Variants in ATRN observed in about 807,000 individuals in gnomAD.
ATRN encodes the protein attractin, also known as attractin-2.
ATRN carries 54 observed loss-of-function variants against 178.7 expected under a neutral mutation model. The ratio of observed to expected loss-of-function variants is 0.30; its 90% CI spans 0.24 to 0.38. The LOEUF is 0.38. Ranked by LOEUF, ATRN falls within the 10% of genes least tolerant of loss-of-function variation. The pLI is 1.00. For synonymous variants in ATRN, 636 were observed against 663.0 expected (o/e 0.96, Z 0.63); for missense variants, 1,443 against 1,815.1 (o/e 0.79, Z 3.73).
At position 3,613,147 on chromosome 20, in the gene ATRN, T is replaced by C. The variant is rs140182112; in HGVS notation, c.3801+8885T>C. ...ATCACTAACTTAAATTAAGATCCACTTATGAATGCTGCATTCAGGAGCACT... is the reference window on the plus strand; with the variant it reads ...ATCACTAACTTAAATTAAGATCCACCTATGAATGCTGCATTCAGGAGCACT... On this transcript the variant is annotated intron_variant, in intron 24 of 28. Transcript: ENST00000262919. 6.7e-3 allele frequency among the ~76,000 whole-genome samples: 1,013 copies of C among 152,316 alleles called. 9 individuals carry two copies. Among genetic ancestry groups the C allele is most frequent in the African/African-American group, 0.023 (964 of 41,556 alleles).
intron 27 of ATRN, among the ~76,000 whole-genome samples, chr20:3,640,923 C>A (rs1015066961): frequency 2.0e-5 from 3 of 152,196 alleles, no homozygotes; most frequent in Non-Finnish European, 4.4e-5. Flanking sequence ...GGAATGTTAT[C>A]CAGCCTTCCA....
chr20:3,641,552 CTG>C (rs2087067858), intron 27 of ATRN, among the ~76,000 whole-genome samples: 2 of 122,788 alleles, frequency 1.6e-5, no homozygotes, highest in African/African-American at 6.4e-5. Flanking sequence ...GATTGCACCA[CTG>C]TACTCCAGCC....
intron 1 of ATRN, among the ~76,000 whole-genome samples, chr20:3,474,411 T>TA (rs1251896106): frequency 2.0e-5 from 3 of 151,902 alleles, no homozygotes; most frequent in Non-Finnish European, 2.9e-5. Context: ...TCTGGTCTTT[T>TA]AAAAAAAACT....
At chr20:3,624,963 C>G (rs948076979) in intron 25 of ATRN, among the ~76,000 whole-genome samples, 12 of 152,128 alleles carry the variant, frequency 7.9e-5, no homozygotes, top group Admixed American at 6.5e-5. Flanking sequence ...TGGTGATTAT[C>G]CAAAGTTTTA....
intron 1 of ATRN, among the ~76,000 whole-genome samples, chr20:3,527,179 C>G (rs2085377100): frequency 6.6e-6 from 1 of 152,092 alleles, no homozygotes; most frequent in Admixed American, 6.5e-5. Context: ...GCAATCTATC[C>G]ATCTGACAAA....
At chr20:3,553,118 T>G (rs1466694338) in intron 6 of ATRN, among the ~76,000 whole-genome samples, 1 of 152,134 alleles carries the variant, frequency 6.6e-6, no homozygotes, top group African/African-American at 2.4e-5. Flanking sequence ...TAGCTCTACC[T>G]TTAGAATCTG....
At chr20:3,584,290 T>C (rs759127527) in intron 17 of ATRN, among the ~76,000 whole-genome samples, 1 of 152,142 alleles carries the variant, frequency 6.6e-6, no homozygotes, top group African/African-American at 2.4e-5. Context: ...AGTAAATAAA[T>C]GTAAGATAGA....
intron 10 of ATRN, 125 bp downstream of exon 10, chr20:3,563,488 G>A (rs2085983116): frequency 4.1e-6 from 4 of 967,412 alleles, no homozygotes; most frequent in East Asian, 2.6e-5. Flanking sequence ...GGTCCAAATG[G>A]TATTTTTTAT....
intron 1 of ATRN, among the ~76,000 whole-genome samples, chr20:3,512,039 T>TA: frequency 6.8e-6 from 1 of 148,048 alleles, no homozygotes; most frequent in Middle Eastern, 3.5e-3. Flanking sequence ...ACCTGACTTT[T>TA]TTTTTTTTTG....
Position 3,471,451 on chromosome 20 carries a change from C to T in ATRN, c.344C>T (p.Thr115Ile). The change falls in exon 1 of 29, where the codon ACC becomes ATC. Residue 115 changes from threonine (T) to isoleucine (I), a missense_variant. Thr to Ile is a moderately conservative substitution (Grantham distance 89). Transcript: ENST00000262919. ...AACGGCGGTCGCTGCAACCCTGGCA[C>T]CGGCCAGTGCGTCTGCCCCGCCGGC... The part of the protein sequence containing the change: ...CVNGGRCNPG[T>I]GQCVCPAGWV... 2 of 1,435,138 alleles carry T rather than the reference C, an allele frequency of 1.4e-6. No homozygotes were observed. The highest frequency in any genetic ancestry group is 1.4e-5 in the South Asian group (1 of 69,018). 88.9% of individuals were successfully genotyped at this position (1,435,138 alleles called of 1,614,324 possible).
intron 3 of ATRN, among the ~76,000 whole-genome samples, chr20:3,543,107 T>C (rs2085648552): frequency 2.0e-5 from 3 of 152,170 alleles, no homozygotes; most frequent in African/African-American, 7.2e-5. Context: ...GGCCTTCCTT[T>C]CACCCTTTCT....
chr20:3,531,004 C>T (rs189422109), intron 1 of ATRN, among the ~76,000 whole-genome samples: 111 of 152,220 alleles, frequency 7.3e-4, no homozygotes, highest in African/African-American at 2.6e-3. Context: ...TATTGAAATG[C>T]CTTTCAGTTT....
At chr20:3,634,620 C>T (rs778913212) in intron 26 of ATRN, among the ~76,000 whole-genome samples, 92 of 152,218 alleles carry the variant, frequency 6.0e-4, no homozygotes, top group Non-Finnish European at 9.4e-4. Context: ...TCTTACCTTC[C>T]GAAAAGGAAA....
At chr20:3,517,304 T>A (rs1024678281) in intron 1 of ATRN, among the ~76,000 whole-genome samples, 1 of 151,852 alleles carries the variant, frequency 6.6e-6, no homozygotes, top group African/African-American at 2.4e-5. Context: ...ATCTCCACTT[T>A]AAAAAAAATC....
intron 1 of ATRN, among the ~76,000 whole-genome samples, chr20:3,499,609 G>T (rs1364998832): frequency 6.7e-6 from 1 of 149,266 alleles, no homozygotes; most frequent in Non-Finnish European, 1.5e-5. Flanking sequence ...AATAAATGGT[G>T]CTGGGAAAAC....
chr20:3,518,709 C>T (rs2085240270), intron 1 of ATRN, among the ~76,000 whole-genome samples: 1 of 152,092 alleles, frequency 6.6e-6, no homozygotes, highest in Admixed American at 6.6e-5. Context: ...CATCTGTACT[C>T]CTACCCACCT....
intron 15 of ATRN, among the ~76,000 whole-genome samples, chr20:3,581,141 A>G (rs2086277757): frequency 6.6e-6 from 1 of 152,074 alleles, no homozygotes; most frequent in Non-Finnish European, 1.5e-5. Context: ...AGTTCCGGCT[A>G]CTTGGGAGGC....
chr20:3,597,816 A>T, intron 21 of ATRN, 90 bp from the exon 22 acceptor site: 1 of 776,410 alleles, frequency 1.3e-6, no homozygotes, highest in African/African-American at 1.7e-5. Context: ...CTCGTTACTT[A>T]ATTTATAAGA....
chr20:3,560,808 C>T lies in ATRN; in HGVS notation c.1350C>T (p.His450=), dbSNP rs1273315168. ...ATGCAGTGGTTGGGCACTCTGCACA[C>T]ATTGTTACACTGAAGAATGGCCGAG... ...EQYAVVGHSA[H]IVTLKNGRVV... The change falls in exon 8 of 29, where the codon CAC becomes CAT. Residue 450 remains histidine (H), a synonymous_variant. Transcript: ENST00000262919. The T allele has an allele frequency of 6.2e-7, 1 of 1,614,148 alleles. No homozygotes were observed. The highest frequency in any genetic ancestry group is 2.2e-5 in the East Asian group (1 of 44,874).
Sources: allele counts gnomAD v4.1 joint callset (sites outside exome capture counted in the v4.1 genomes callset), GRCh38; gene constraint gnomAD v4.1.1; transcripts MANE v1.5; gene names NCBI Gene and HGNC (gene_info 2026-07-23, HGNC 2026-07-21).